LCORL: variants seen among roughly 807,000 people sequenced by gnomAD.
LCORL encodes ligand dependent nuclear receptor corepressor like.
Under a neutral mutation model 141.8 loss-of-function variants are expected in LCORL, and 41 were observed. That is an observed-to-expected ratio of 0.29 (90% CI 0.23 to 0.38). The LOEUF is 0.38. Among genes scored for constraint, LCORL ranks in the 10% least tolerant of loss-of-function variants. LCORL has a pLI of 1.00. For synonymous variants in LCORL, 618 were observed against 694.1 expected, an observed-to-expected ratio of 0.89 and a Z score of 1.72; for missense variants, 1,759 against 2,035.0, an observed-to-expected ratio of 0.86 and a Z score of 2.61.
intron 1 of LCORL, among the ~76,000 whole-genome samples, chr4:17,974,658 A>T (rs915572729): frequency 6.6e-6 from 1 of 152,116 alleles, no homozygotes; most frequent in South Asian, 2.1e-4. Flanking sequence ...CATAAAGCAA[A>T]CTGGGAAATG....
intron 4 of LCORL, among the ~76,000 whole-genome samples, chr4:17,950,712 T>C (rs922006080): frequency 6.6e-6 from 1 of 152,094 alleles, no homozygotes; most frequent in Non-Finnish European, 1.5e-5. Flanking sequence ...ATGTTGATGT[T>C]TATAAGTGAA....
At chr4:17,982,654 T>C (rs6840334) in intron 1 of LCORL, among the ~76,000 whole-genome samples, 35,826 of 152,128 alleles carry the variant, frequency 0.24, 5,350 homozygotes, top group African/African-American at 0.42. Flanking sequence ...AAGTTCCCTA[T>C]AGATGCTGGA....
In LCORL at chr4:18,021,711, G is replaced by A. The variant is rs1055803413; in HGVS notation, c.41C>T (p.Ala14Val). 1.2e-5 allele frequency: 19 copies of A among 1,528,078 alleles called. No homozygotes were observed. Among genetic ancestry groups the A allele is most frequent in the Admixed American group, 2.1e-5 (1 of 47,178 alleles). The allele number at this position is 1,528,078 out of a possible 1,614,324, so 94.7% of individuals were successfully genotyped here. The change falls in exon 1 of 8, where the codon GCT becomes GTT. Residue 14 changes from alanine to valine, a missense_variant. Ala to Val is a moderately conservative substitution (Grantham distance 64). Coordinates refer to ENST00000635767, the Ensembl canonical transcript of LCORL. The surrounding 1 kb of genome is among the most constrained non-coding windows in gnomAD (Gnocchi z 5.5). ...AGCGGCGGCGGCGGCGGCGGCAGCA[G>A]CGGCGGCGGCAGCGGCCATTCTCTC...
intron 1 of LCORL, among the ~76,000 whole-genome samples, chr4:18,013,964 T>C (rs1438609308): frequency 2.0e-5 from 3 of 152,044 alleles, no homozygotes; most frequent in Admixed American, 2.0e-4. Context: ...TGTGCCACCA[T>C]GCCCAGCTAA....
chr4:18,015,584 T>C lies in LCORL; in HGVS notation c.154+6014A>G, dbSNP rs117275285. On this transcript the variant is annotated intron_variant, in intron 1 of 7. Transcript: ENST00000635767. ...GTGCCACAATTTACATCTTTTAAAA[T>C]AGAAAACATTTGATAGTGCTTGAAA... 2.0e-3 allele frequency among the ~76,000 whole-genome samples: 304 copies of C among 152,170 alleles called. 10 individuals carry two copies. In the East Asian group the frequency reaches 0.053, roughly 26 times the overall value.
chr4:17,848,901 C>A (rs1441845610), intron 7 of LCORL, among the ~76,000 whole-genome samples: 2 of 152,220 alleles, frequency 1.3e-5, no homozygotes, highest in Non-Finnish European at 2.9e-5. Flanking sequence ...CTCGGAGGGT[C>A]CTACGCCCAC....
At chr4:17,898,652 G>GTTTTTTTTTTTTTTT (rs34770223) in intron 5 of LCORL, among the ~76,000 whole-genome samples, 6 of 119,260 alleles carry the variant, frequency 5.0e-5, no homozygotes, top group Admixed American at 8.7e-5. Flanking sequence ...CATTCTCACC[G>GTTTTTTTTTTTTTTT]TTTTTTTTTT....
chr4:18,018,953 T>C (rs940167276), intron 1 of LCORL, among the ~76,000 whole-genome samples: 2 of 152,214 alleles, frequency 1.3e-5, no homozygotes, highest in African/African-American at 4.8e-5. Flanking sequence ...TTTATAAATA[T>C]GTTTATAAAG....
intron 4 of LCORL, among the ~76,000 whole-genome samples, chr4:17,956,718 T>C (rs1024154857): frequency 3.3e-5 from 5 of 152,052 alleles, no homozygotes; most frequent in African/African-American, 1.2e-4. Flanking sequence ...TAAGTTTTAG[T>C]GTTTGATGGT....
At position 17,869,679 on chromosome 4, in the gene LCORL, A is replaced by G. The variant is rs146915950; in HGVS notation, c.5602+3709T>C. ...TCTCATTGTAATCTCTTCCACTCTC[A>G]TGGTTTCAGTTATTTGTTGATTCAC... On this transcript the variant is annotated intron_variant, in intron 7 of 7. Transcript: ENST00000635767. Among the ~76,000 whole-genome samples, 4 of 151,974 alleles carry G rather than the reference A, an allele frequency of 2.6e-5. No individual in the cohort carries two copies. The East Asian group carries it at 7.8e-4, about 29-fold the overall frequency.
At chr4:18,009,773 G>T (rs544999970) in intron 1 of LCORL, among the ~76,000 whole-genome samples, 2 of 151,708 alleles carry the variant, frequency 1.3e-5, no homozygotes, top group Admixed American at 6.6e-5. Context: ...ACCCTGCTTG[G>T]GCTCCAATAC....
At chr4:18,016,672 A>C (rs959103809) in intron 1 of LCORL, among the ~76,000 whole-genome samples, 3 of 152,156 alleles carry the variant, frequency 2.0e-5, no homozygotes, top group Non-Finnish European at 4.4e-5. Context: ...TAATTTCTAT[A>C]TGGATTGGTG....
chr4:17,900,325 AT>A (rs1033291306), intron 5 of LCORL, among the ~76,000 whole-genome samples: 3 of 152,028 alleles, frequency 2.0e-5, no homozygotes, highest in African/African-American at 7.2e-5. Context: ...ACCTGAGACA[AT>A]TTTCATACAG....
exon 7 of LCORL, chr4:17,876,022 G>T: frequency 8.1e-7 from 1 of 1,231,054 alleles, no homozygotes; most frequent in Non-Finnish European, 1.0e-6. Context: ...TCAGAAGGGA[G>T]AACAACATTT....
intron 4 of LCORL, among the ~76,000 whole-genome samples, chr4:17,926,431 T>C (rs1395559082): frequency 1.3e-5 from 2 of 152,216 alleles, no homozygotes; most frequent in Non-Finnish European, 2.9e-5. Context: ...GGAAGCTTCC[T>C]GCCCTCGAAT....
chr4:17,901,251 G>C (rs903043847), intron 5 of LCORL, among the ~76,000 whole-genome samples: 6 of 151,788 alleles, frequency 4.0e-5, no homozygotes, highest in African/African-American at 1.5e-4. Context: ...GTGAGAGAGA[G>C]CCCAAAAGTA....
rs367913678 is a variant in LCORL, at chr4:17,939,377, A to T, written c.430+22526T>A. Among the ~76,000 whole-genome samples the T allele has an allele frequency of 3.3e-5, 5 of 152,338 alleles. No individual in the cohort carries two copies. The South Asian group carries it at 1.0e-3, about 32-fold the overall frequency. ...CAGTTTGGCAGTTTCTGATATAAAT[A>T]GCTTTCATATTAGATAATATAAATA... On this transcript the variant is annotated intron_variant, in intron 4 of 7. Coordinates refer to ENST00000635767, the Ensembl canonical transcript of LCORL.
intron 4 of LCORL, among the ~76,000 whole-genome samples, chr4:17,954,252 C>T (rs991379778): frequency 3.3e-5 from 5 of 152,124 alleles, no homozygotes; most frequent in Admixed American, 2.6e-4. Flanking sequence ...GGCAGTGCAT[C>T]GTCAGGAGAG....
intron 4 of LCORL, among the ~76,000 whole-genome samples, chr4:17,947,399 T>G (rs1164054201): frequency 6.6e-6 from 1 of 151,688 alleles, no homozygotes; most frequent in Non-Finnish European, 1.5e-5. Flanking sequence ...ATACAAAGGC[T>G]GGGGGTATGG....
Sources: gnomAD v4.1 joint callset for allele counts (sites outside exome capture counted in the v4.1 genomes callset) on GRCh38, gnomAD v4.1.1 for gene constraint, Gnocchi (gnomAD v3.1) non-coding constraint, MANE v1.5 for transcripts, NCBI Gene and HGNC (gene_info 2026-07-23, HGNC 2026-07-21) for gene names.